CDIN1: variants seen among roughly 807,000 people sequenced by gnomAD.
The protein encoded by CDIN1 is CDAN1-interacting nuclease 1.
In CDIN1, 33 loss-of-function variants were observed where a neutral mutation model predicts 45.3. That is an observed-to-expected ratio of 0.73 (90% CI 0.55 to 0.97). The LOEUF is 0.97. Among genes scored for constraint, CDIN1 ranks in the 50% least tolerant of loss-of-function variants. The pLI, the probability that CDIN1 is intolerant of heterozygous loss-of-function variation, is 0.00. For missense variants in CDIN1, 303 were observed against 339.4 expected, an observed-to-expected ratio of 0.89 and a Z score of 0.84; for synonymous variants, 118 against 124.4, an observed-to-expected ratio of 0.95 and a Z score of 0.34.
rs139039427 is a variant in CDIN1 at position 36,675,561 on chromosome 15, G to A, written c.347-16124G>A. ...AAACTCTATCTCTCACTTTGGCACA[G>A]CATTGTGCTGCCATTGTGCTCAGCG... On this transcript the variant is annotated intron_variant, in intron 5 of 10. Coordinates refer to ENST00000566621, the MANE Select transcript of CDIN1 (RefSeq NM_001321759.2). 5.8e-4 allele frequency among the ~76,000 whole-genome samples: 89 copies of A among 152,298 alleles called. 1 individual carries two copies. Among genetic ancestry groups the A allele is most frequent in the African/African-American group, 1.9e-3 (80 of 41,562 alleles).
At chr15:36,580,229 G>A (rs191602014) in intron 1 of CDIN1, among the ~76,000 whole-genome samples, 39 of 152,386 alleles carry the variant, frequency 2.6e-4, no homozygotes, top group African/African-American at 8.7e-4. Context: ...GTACGTGCTA[G>A]GTGATGGGTG....
chr15:36,739,149 T>C (rs2044141679), intron 10 of CDIN1, among the ~76,000 whole-genome samples: 1 of 152,160 alleles, frequency 6.6e-6, no homozygotes. Context: ...TCCCAACACT[T>C]TGGGAGGCCA....
intron 10 of CDIN1, among the ~76,000 whole-genome samples, chr15:36,791,309 A>T (rs750028959): frequency 2.0e-5 from 3 of 152,262 alleles, no homozygotes; most frequent in Admixed American, 1.3e-4. Context: ...GTGTGCCATT[A>T]ACCACTAAAT....
chr15:36,627,856 C>T (rs2039508568), intron 1 of CDIN1: 1 of 152,140 alleles, frequency 6.6e-6, no homozygotes, highest in South Asian at 2.1e-4. Flanking sequence ...AGGTTCACAT[C>T]TTGCATCACA....
At chr15:36,584,875 T>G (rs1490598105) in intron 1 of CDIN1, among the ~76,000 whole-genome samples, 1 of 152,208 alleles carries the variant, frequency 6.6e-6, no homozygotes, top group Non-Finnish European at 1.5e-5. Flanking sequence ...TTAAAAATAC[T>G]CATCAACTTT....
Position 36,618,386 on chromosome 15 carries a change from G to A in CDIN1, c.102-25892G>A, listed in dbSNP as rs1018292276. ...TTCAAAAGGAGACTTCCACTTTGCA[G>A]ATGGAACAAAATGGGGACTATGGTA... On this transcript the variant is annotated intron_variant, in intron 1 of 10. Coordinates refer to ENST00000566621, the MANE Select transcript of CDIN1 (RefSeq NM_001321759.2). The A allele has an allele frequency of 7.3e-5, 51 of 701,874 alleles. 1 individual carries two copies. The highest frequency in any genetic ancestry group is 6.8e-4 in the African/African-American group (38 of 56,266). The allele number at this position is 701,874 out of a possible 1,614,324, so 43.5% of individuals were successfully genotyped here. A position where few individuals can be genotyped will look rare whatever the true frequency, so the allele number is the denominator to read the frequency against.
chr15:36,626,383 T>C (rs1055388508), intron 1 of CDIN1, among the ~76,000 whole-genome samples: 1 of 138,756 alleles, frequency 7.2e-6, no homozygotes, highest in Non-Finnish European at 1.6e-5. Flanking sequence ...GCAAATCCAT[T>C]TCTTAAAAAA....
At chr15:36,728,607 G>T (rs561626893) in intron 10 of CDIN1, among the ~76,000 whole-genome samples, 2 of 149,388 alleles carry the variant, frequency 1.3e-5, no homozygotes, top group Admixed American at 1.3e-4. Flanking sequence ...ATCCAAAATG[G>T]TAATGAATGC....
At chr15:36,590,836 GGAT>G (rs1265683855) in intron 1 of CDIN1, among the ~76,000 whole-genome samples, 1 of 152,174 alleles carries the variant, frequency 6.6e-6, no homozygotes, top group Non-Finnish European at 1.5e-5. Flanking sequence ...GCACTATATA[GGAT>G]GGGAAAGGTC....
At chr15:36,629,472 A>C (rs1351607792) in intron 1 of CDIN1, among the ~76,000 whole-genome samples, 1 of 152,186 alleles carries the variant, frequency 6.6e-6, no homozygotes, top group Non-Finnish European at 1.5e-5. Flanking sequence ...ATGGAGTAGA[A>C]AGATTATTTG....
At chr15:36,780,149 A>T (rs1008849119) in intron 10 of CDIN1, among the ~76,000 whole-genome samples, 2 of 152,188 alleles carry the variant, frequency 1.3e-5, no homozygotes, top group Admixed American at 1.3e-4. Flanking sequence ...GGGACCTGAG[A>T]CTATTTAGAT....
chr15:36,693,708 G>A (rs2042326466), intron 7 of CDIN1, among the ~76,000 whole-genome samples: 1 of 152,174 alleles, frequency 6.6e-6, no homozygotes, highest in Non-Finnish European at 1.5e-5. Flanking sequence ...TAGTTGAGAT[G>A]CTTACGGGAA....
At chr15:36,682,767 CAAAA>C (rs10706117) in intron 5 of CDIN1, among the ~76,000 whole-genome samples, 1 of 61,406 alleles carries the variant, frequency 1.6e-5, no homozygotes, top group Non-Finnish European at 3.2e-5. Flanking sequence ...AAGACCCTGC[CAAAA>C]AAAAAAAAAA....
At chr15:36,713,430 G>A (rs1005691226) in intron 10 of CDIN1, among the ~76,000 whole-genome samples, 8 of 152,092 alleles carry the variant, frequency 5.3e-5, no homozygotes, top group African/African-American at 1.7e-4. Flanking sequence ...AAGCTTCTTG[G>A]CTGGAACAAA....
chr15:36,667,244 T>C (rs1873138000), intron 5 of CDIN1, among the ~76,000 whole-genome samples: 1 of 152,238 alleles, frequency 6.6e-6, no homozygotes, highest in African/African-American at 2.4e-5. Flanking sequence ...AAAAGAGCTC[T>C]TATTTTTTGT....
At chr15:36,624,104 A>T (rs2216141) in intron 1 of CDIN1, among the ~76,000 whole-genome samples, 7 of 151,964 alleles carry the variant, frequency 4.6e-5, no homozygotes, top group African/African-American at 1.7e-4. Flanking sequence ...TTAGAGTTCA[A>T]CAGAAATGGG....
chr15:36,764,809 G>A (rs537499391), intron 10 of CDIN1, among the ~76,000 whole-genome samples: 18 of 152,148 alleles, frequency 1.2e-4, no homozygotes, highest in Non-Finnish European at 2.2e-4. Context: ...CACATAAGCC[G>A]AAGTGTCCAG....
At chr15:36,653,614 C>G (rs1769092335) in intron 3 of CDIN1, among the ~76,000 whole-genome samples, 1 of 152,088 alleles carries the variant, frequency 6.6e-6, no homozygotes, top group Non-Finnish European at 1.5e-5. Context: ...CTTGTATTGC[C>G]TGTCACAGGT....
intron 10 of CDIN1, among the ~76,000 whole-genome samples, chr15:36,749,178 G>A (rs1159349998): frequency 1.3e-5 from 2 of 152,128 alleles, no homozygotes; most frequent in Admixed American, 6.5e-5. Flanking sequence ...TTTGTTATTG[G>A]TTGTCTTAGA....
Sources: gnomAD v4.1 joint callset for allele counts (sites outside exome capture counted in the v4.1 genomes callset) on GRCh38, gnomAD v4.1.1 for gene constraint, MANE v1.5 for transcripts, NCBI Gene and HGNC (gene_info 2026-07-23, HGNC 2026-07-21) for gene names.